Variants in NPLOC4 observed in about 807,000 individuals in gnomAD.
The protein encoded by NPLOC4 is nuclear protein localization protein 4 homolog.
Under a neutral mutation model 80.6 loss-of-function variants are expected in NPLOC4, and 18 were observed. That is an observed-to-expected ratio of 0.22 (90% CI 0.15 to 0.33). The LOEUF is 0.33. Ranked by LOEUF, NPLOC4 falls within the 10% of genes least tolerant of loss-of-function variation. The pLI, the probability that NPLOC4 is intolerant of heterozygous loss-of-function variation, is 1.00. For synonymous variants in NPLOC4, 313 were observed against 301.5 expected (o/e 1.04, Z -0.39); for missense variants, 540 against 786.1 (o/e 0.69, Z 3.74).
At chr17:81,591,447 G>GAAAACAAAAA (rs2034737707) in intron 11 of NPLOC4, among the ~76,000 whole-genome samples, 1 of 76,324 alleles carries the variant, frequency 1.3e-5, no homozygotes, top group Non-Finnish European at 2.4e-5. Flanking sequence ...GAGTAAAACA[G>GAAAACAAAAA]AAAAAAAAAA....
At chr17:81,629,966 A>C in intron 1 of NPLOC4, 161 bp from the exon 2 acceptor site, 1 of 587,736 alleles carries the variant, frequency 1.7e-6, no homozygotes, top group Non-Finnish European at 3.0e-6. Context: ...CTAGAATATG[A>C]TGCCGAGGGG....
chr17:81,606,539 T>C (rs1021099448), intron 7 of NPLOC4, among the ~76,000 whole-genome samples, 152 bp downstream of exon 7: 3 of 152,224 alleles, frequency 2.0e-5, no homozygotes, highest in African/African-American at 4.8e-5. Context: ...ATATTCAGTG[T>C]ACCACTTCCA....
intron 16 of NPLOC4, chr17:81,565,253 T>C (rs1331779499): frequency 2.9e-6 from 2 of 681,280 alleles, no homozygotes; most frequent in Non-Finnish European, 5.4e-6. Flanking sequence ...ATCTCTGATG[T>C]ACAGGTTTAT....
At chr17:81,605,372 C>T (rs1202083314) in intron 7 of NPLOC4, among the ~76,000 whole-genome samples, 3 of 151,764 alleles carry the variant, frequency 2.0e-5, no homozygotes, top group Non-Finnish European at 4.4e-5. Flanking sequence ...ACCAGTCAGG[C>T]ACGGTGGCTC....
intron 1 of NPLOC4, among the ~76,000 whole-genome samples, chr17:81,636,164 T>G (rs2036066348): frequency 6.6e-6 from 1 of 151,756 alleles, no homozygotes; most frequent in Non-Finnish European, 1.5e-5. Flanking sequence ...AGAGACAAGA[T>G]TTTGCCATGT....
intron 14 of NPLOC4, among the ~76,000 whole-genome samples, chr17:81,568,711 GC>G (rs1485837238): frequency 6.6e-6 from 1 of 152,236 alleles, no homozygotes; most frequent in African/African-American, 2.4e-5. Context: ...CAGGGGCCAG[GC>G]CAAACCAACA....
chr17:81,624,930 CAG>C (rs1296934319), intron 2 of NPLOC4, among the ~76,000 whole-genome samples: 1 of 152,214 alleles, frequency 6.6e-6, no homozygotes, highest in East Asian at 1.9e-4. Context: ...GCGAGGCAGA[CAG>C]GGCCGTGGGA....
rs374991652 is a variant in NPLOC4 at position 81,606,742 on chromosome 17, C to A, written c.603G>T (p.Pro201=). The stretch of plus-strand genomic sequence containing the variant: ...GCTGGCACTTAGTACAGATGCCATT[C>A]GGCCACGGGAGGTGCCCCTCGCACC... ...KSGCEGHLPW[P]NGICTKCQPS... The change falls in exon 7 of 17, where the codon CCG becomes CCT. Residue 201 remains proline (P), a synonymous_variant. Coordinates refer to ENST00000331134, the MANE Select transcript of NPLOC4 (RefSeq NM_017921.4). 4 of 1,613,724 alleles carry A rather than the reference C, an allele frequency of 2.5e-6. No individual in the cohort carries two copies. Among genetic ancestry groups the A allele is most frequent in the Non-Finnish European group, 3.4e-6 (4 of 1,179,888 alleles).
At chr17:81,575,862 G>A (rs892718595) in intron 12 of NPLOC4, among the ~76,000 whole-genome samples, 1 of 152,242 alleles carries the variant, frequency 6.6e-6, no homozygotes, top group South Asian at 2.1e-4. Context: ...AAGTGATTCA[G>A]AATCTCTTCT....
At chr17:81,582,761 A>C (rs1036946016) in intron 12 of NPLOC4, among the ~76,000 whole-genome samples, 1 of 152,254 alleles carries the variant, frequency 6.6e-6, no homozygotes, top group African/African-American at 2.4e-5. Flanking sequence ...CTGGCTGTAC[A>C]ACAGTCTACG....
chr17:81,636,152 G>C (rs929087162), intron 1 of NPLOC4, among the ~76,000 whole-genome samples: 2 of 151,958 alleles, frequency 1.3e-5, no homozygotes, highest in African/African-American at 4.8e-5. Flanking sequence ...TGTATTTTTA[G>C]TAGAGACAAG....
chr17:81,573,163 C>G (rs541209447), intron 12 of NPLOC4, among the ~76,000 whole-genome samples: 38 of 152,314 alleles, frequency 2.5e-4, no homozygotes, highest in Admixed American at 5.2e-4. Context: ...TCTAAATCAT[C>G]ACTTAACATT....
At chr17:81,593,792 T>C (rs1016178398) in intron 11 of NPLOC4, among the ~76,000 whole-genome samples, 1 of 150,708 alleles carries the variant, frequency 6.6e-6, no homozygotes, top group Non-Finnish European at 1.5e-5. Flanking sequence ...GCTCCCCTCC[T>C]GGGTGCCCAG....
rs201788859 is a variant in NPLOC4, at chr17:81,589,131, G to C, written c.1121-27C>G. ...TGCAAGAGAGAGACCTTTAAAAAGA[G>C]TCTACCAAACGGCATTCAAAACCAG... On this transcript the variant is annotated intron_variant, in intron 11 of 16. Transcript: ENST00000331134. 7.1e-3 allele frequency: 11,420 copies of C among 1,600,816 alleles called. 100 individuals carry two copies. The highest frequency in any genetic ancestry group is 0.027 in the South Asian group (2,410 of 89,728).
At position 81,559,376 on chromosome 17, in the gene NPLOC4, G is replaced by C. The variant is rs4073997; in HGVS notation, c.1710C>G (p.Gly570=). The C allele has an allele frequency of 0.28, 449,978 of 1,607,606 alleles. 66,732 individuals are homozygous for C. The highest frequency in any genetic ancestry group is 0.32 in the Admixed American group (18,902 of 58,890). The change falls in exon 17 of 17, where the codon GGC becomes GGG. Residue 570 remains glycine, a synonymous_variant. Coordinates refer to ENST00000331134, the MANE Select transcript of NPLOC4 (RefSeq NM_017921.4). The part of the protein sequence containing the change: ...GGQLPGLHEY[G]AVGGSTHTAT... ...CCGTGTGTGTGGAGCCCCCGACGGCGCCGTACTCATGGAGACCTGGGAGCT... is the reference window on the plus strand; with the variant it reads ...CCGTGTGTGTGGAGCCCCCGACGGCCCCGTACTCATGGAGACCTGGGAGCT...
Position 81,557,328 on chromosome 17 carries a change from C to A in NPLOC4, c.*1931G>T, listed in dbSNP as rs1418147933. The A allele has an allele frequency of 6.6e-6, 1 of 152,490 alleles. No individual in the cohort carries two copies. Among genetic ancestry groups the A allele is most frequent in the Non-Finnish European group, 1.5e-5 (1 of 68,042 alleles). 9.4% of individuals were successfully genotyped at this position (152,490 alleles called of 1,614,324 possible). ...GTGCATTACTGAACAAAGAGTAACT[C>A]AAAACCAGAATCAGACAAATCGCCA... On this transcript the variant is annotated 3_prime_UTR_variant, in exon 17 of 17. Coordinates refer to ENST00000331134, the MANE Select transcript of NPLOC4 (RefSeq NM_017921.4).
chr17:81,622,111 A>T (rs1299409873), intron 3 of NPLOC4, 55 bp downstream of exon 3: 3 of 1,316,970 alleles, frequency 2.3e-6, no homozygotes, highest in Non-Finnish European at 3.3e-6. Context: ...CCTCGGGCAG[A>T]TCATGGGGAC....
intron 13 of NPLOC4, 111 bp from the exon 14 acceptor site, chr17:81,569,222 C>T: frequency 1.5e-6 from 1 of 678,610 alleles, no homozygotes; most frequent in Middle Eastern, 2.5e-4. Flanking sequence ...CCTAGCAATT[C>T]TGAGAATGTT....
chr17:81,637,009 G>A lies in NPLOC4; in HGVS notation c.-79C>T, dbSNP rs1281446925. The stretch of plus-strand genomic sequence containing the variant: ...CCAAGGGCCTCGCAGACCCGGCCGC[G>A]GCCTCAGCCCCGGCCCCGGCCTCCC... On this transcript the variant is annotated 5_prime_UTR_variant, in exon 1 of 17. Transcript: ENST00000331134. The A allele has an allele frequency of 7.1e-6, 7 of 986,754 alleles. No homozygotes were observed. The highest frequency in any genetic ancestry group is 4.8e-5 in the South Asian group (1 of 20,970). 61.1% of individuals were successfully genotyped at this position (986,754 alleles called of 1,614,324 possible).
Sources: gnomAD v4.1 joint callset for allele counts (sites outside exome capture counted in the v4.1 genomes callset) on GRCh38, gnomAD v4.1.1 for gene constraint, MANE v1.5 for transcripts, NCBI Gene and HGNC (gene_info 2026-07-23, HGNC 2026-07-21) for gene names.